The following IFT46 variants were observed in gnomAD, a reference collection of about 807,000 sequenced individuals.
IFT46 encodes the protein intraflagellar transport protein 46 homolog.
A neutral mutation model predicts 39.6 loss-of-function variants in IFT46; 19 were observed. The observed-to-expected ratio is 0.48, with a 90% CI of 0.33 to 0.70. The LOEUF is 0.70. IFT46 is among the 30% of genes least tolerant of loss of function. IFT46 has a pLI of 0.01. For missense variants in IFT46, 334 were observed against 364.8 expected (o/e 0.92, Z 0.69); for synonymous variants, 117 against 134.8 (o/e 0.87, Z 0.91).
intron 9 of IFT46, chr11:118,546,414 C>G: frequency 2.2e-6 from 1 of 445,322 alleles, no homozygotes; most frequent in Non-Finnish European, 4.1e-6. Flanking sequence ...CTGCTTGAGT[C>G]CAGCAGGTTG....
In IFT46 at chr11:118,545,438, A is replaced by G; in HGVS notation, c.790T>C (p.Ser264Pro). The G allele has an allele frequency of 6.2e-7, 1 of 1,613,578 alleles. No homozygotes were observed. The highest frequency in any genetic ancestry group is 8.5e-7 in the Non-Finnish European group (1 of 1,179,514). ...SRIQSLHLLF[S>P]LYSEFKNSQH... ...GAGTTCTTGAATTCTGAGTAGAGGG[A>G]AAAGAGCAGATGGAGGGACTGGATC... The change falls in exon 11 of 12, where the codon TCC (serine) becomes CCC (proline). Residue 264 changes from serine to proline, a missense_variant. By Grantham distance (74) the Ser-to-Pro change is moderately conservative (BLOSUM62 -1). Coordinates refer to ENST00000264021, the MANE Select transcript of IFT46 (RefSeq NM_001168618.2).
chr11:118,572,427 G>T lies in IFT46; in HGVS notation c.-133+169C>A. 3 of 948,568 alleles carry T rather than the reference G, an allele frequency of 3.2e-6. 1 individual carries two copies. The highest frequency in any genetic ancestry group is 4.1e-5 in the South Asian group (2 of 49,036). 58.8% of individuals were successfully genotyped at this position (948,568 alleles called of 1,614,324 possible). ...GGCCGCCATCTTGGCAAGAGGCGAA[G>T]CGGCAGCGGTTCCTGTCAAGGGGGC... On this transcript the variant is annotated intron_variant, in intron 1 of 5. Coordinates refer to the IFT46 transcript ENST00000528378.
At chr11:118,551,461 C>T (rs1951800145) in intron 9 of IFT46, among the ~76,000 whole-genome samples, 1 of 151,924 alleles carries the variant, frequency 6.6e-6, no homozygotes, top group Non-Finnish European at 1.5e-5. Flanking sequence ...ACTGCTTGAG[C>T]CCAGGAGTTT....
At chr11:118,552,360 G>A (rs782645720) in intron 7 of IFT46, 25 bp from the exon 8 acceptor site, 7 of 1,612,938 alleles carry the variant, frequency 4.3e-6, no homozygotes, top group South Asian at 1.1e-5. Context: ...AGAAAGCCTA[G>A]CTGATGGCAC....
chr11:118,549,744 C>T lies in IFT46; in HGVS notation c.672+2042G>A, dbSNP rs562431530. Reference sequence around the variant, plus strand: ...TTCACCATGTTGGCTAGGATGGTCTCGATCTCTTGACCTCATGATCAGCCC... The same window carrying T: ...TTCACCATGTTGGCTAGGATGGTCTTGATCTCTTGACCTCATGATCAGCCC... On this transcript the variant is annotated intron_variant, in intron 9 of 11. Transcript: ENST00000264021. 2.6e-4 allele frequency among the ~76,000 whole-genome samples: 39 copies of T among 151,420 alleles called. No homozygotes were observed. The South Asian group carries it at 5.8e-3, about 23-fold the overall frequency.
chr11:118,566,094 T>A (rs1288506621), upstream of IFT46: 1 of 152,168 alleles, frequency 6.6e-6, no homozygotes, highest in African/African-American at 2.4e-5. Context: ...AGTAAATACG[T>A]CTGTTGCGGC....
chr11:118,576,369 A>T (rs1938503613), upstream of IFT46, among the ~76,000 whole-genome samples: 1 of 149,628 alleles, frequency 6.7e-6, no homozygotes, highest in Non-Finnish European at 1.5e-5. Flanking sequence ...CATCTGTAAG[A>T]CAATCAAGGG....
In IFT46 at chr11:118,544,833, A is replaced by T; in HGVS notation, c.*83T>A. On this transcript the variant is annotated 3_prime_UTR_variant, in exon 12 of 12. Transcript: ENST00000264021. ...GCCAAGCTGTGGCATGGGCAAGGAC[A>T]TCAAGTAGCTGACAACGATCTGTCC... The T allele has an allele frequency of 3.1e-6, 3 of 972,136 alleles. No individual in the cohort carries two copies. The highest frequency in any genetic ancestry group is 4.9e-6 in the Non-Finnish European group (3 of 611,714). The allele number at this position is 972,136 out of a possible 1,614,324, so 60.2% of individuals were successfully genotyped here.
chr11:118,572,660 A>G (rs1938374185), exon 1 of IFT46: 5 of 1,418,450 alleles, frequency 3.5e-6, no homozygotes, highest in East Asian at 2.6e-5. Flanking sequence ...GGTCTAGGGC[A>G]GAGTGCTTTT....
upstream of IFT46, chr11:118,573,512 C>T: frequency 1.8e-6 from 1 of 541,494 alleles, no homozygotes; most frequent in Non-Finnish European, 3.3e-6. Context: ...AAGTAGTAGA[C>T]ATTCTTTGGT....
chr11:118,548,736 T>C (rs527980630), intron 9 of IFT46, among the ~76,000 whole-genome samples: 3 of 151,672 alleles, frequency 2.0e-5, no homozygotes, highest in Admixed American at 2.0e-4. Flanking sequence ...TCTTGACCTC[T>C]TGCCTCGCCC....
In IFT46 at chr11:118,544,936, C is replaced by G; in HGVS notation, c.895G>C (p.Glu299Gln). 1 of 1,613,216 alleles carries G rather than the reference C, an allele frequency of 6.2e-7. No homozygotes were observed. Among genetic ancestry groups the G allele is most frequent in the Non-Finnish European group, 8.5e-7 (1 of 1,179,334 alleles). ...SNSTSQAGDM[E>Q]TLTFS The stretch of plus-strand genomic sequence containing the variant: ...GTGTCTCAGCTGAAGGTTAATGTCT[C>G]CATGTCTCCAGCTTGGGAGGTGGAA... Residue 299 changes from glutamate to glutamine, a missense_variant, in exon 12 of 12, where the codon GAG (glutamate) becomes CAG (glutamine). Glu to Gln is a conservative substitution (Grantham distance 29, BLOSUM62 2). Coordinates refer to ENST00000264021, the MANE Select transcript of IFT46 (RefSeq NM_001168618.2).
chr11:118,548,600 C>T (rs370613728), intron 9 of IFT46, among the ~76,000 whole-genome samples: 4 of 146,260 alleles, frequency 2.7e-5, no homozygotes, highest in East Asian at 4.0e-4. Context: ...CTTGACCTCA[C>T]GATCCGCCCG....
intron 9 of IFT46, among the ~76,000 whole-genome samples, chr11:118,549,853 A>G (rs1422264136): frequency 6.7e-6 from 1 of 148,406 alleles, no homozygotes; most frequent in Non-Finnish European, 1.5e-5. Context: ...AGATGGGTCT[A>G]TGTTGCCCAG....
Position 118,552,351 on chromosome 11 carries a change from G to A in IFT46, c.484-16C>T. 1 of 1,613,710 alleles carries A rather than the reference G, an allele frequency of 6.2e-7. No individual in the cohort carries two copies. ...TCATATGTTGCTAGGAAAGTAAGGA[G>A]AAAGCCTAGCTGATGGCACTGAAGT... On this transcript the variant is annotated splice_polypyrimidine_tract_variant and intron_variant, in intron 7 of 11. Transcript: ENST00000264021.
chr11:118,547,458 G>A (rs1354730297), intron 9 of IFT46, among the ~76,000 whole-genome samples: 1 of 152,170 alleles, frequency 6.6e-6, no homozygotes, highest in Non-Finnish European at 1.5e-5. Context: ...TTGCTCTGTT[G>A]CCCAGACTGG....
At chr11:118,576,236 A>G (rs1390055906), upstream of IFT46, among the ~76,000 whole-genome samples, 1 of 151,830 alleles carries the variant, frequency 6.6e-6, no homozygotes, top group Non-Finnish European at 1.5e-5. Context: ...GTCCAAAGAT[A>G]GTGTACTCAA....
At chr11:118,565,375 G>C (rs1256504405) in intron 1 of IFT46, among the ~76,000 whole-genome samples, 1 of 151,346 alleles carries the variant, frequency 6.6e-6, no homozygotes. Flanking sequence ...AACACTATTT[G>C]TATGTAGATG....
chr11:118,567,078 TA>T (rs2135517463), upstream of IFT46, among the ~76,000 whole-genome samples: 1 of 151,796 alleles, frequency 6.6e-6, no homozygotes, highest in South Asian at 2.1e-4. Flanking sequence ...TCCACTCTAT[TA>T]AAAATAAAAA....
Sources: allele counts gnomAD v4.1 joint callset (sites outside exome capture counted in the v4.1 genomes callset), GRCh38; gene constraint gnomAD v4.1.1; transcripts MANE v1.5; gene names NCBI Gene and HGNC (gene_info 2026-07-23, HGNC 2026-07-21).